The following FYN variants were observed in gnomAD, a reference collection of about 807,000 sequenced individuals.
FYN encodes tyrosine-protein kinase Fyn.
FYN carries 10 observed loss-of-function variants against 70.2 expected under a neutral mutation model. That is an observed-to-expected ratio of 0.14 (90% CI 0.09 to 0.24). FYN has a LOEUF of 0.24. Among genes scored for constraint, FYN ranks in the 10% least tolerant of loss-of-function variants. The pLI is 1.00. For missense variants in FYN, 319 were observed against 673.1 expected (o/e 0.47, Z 5.82); for synonymous variants, 236 against 248.6 (o/e 0.95, Z 0.48).
At chr6:111,772,282 G>A (rs1803481907) in intron 3 of FYN, among the ~76,000 whole-genome samples, 1 of 152,000 alleles carries the variant, frequency 6.6e-6, no homozygotes, top group Non-Finnish European at 1.5e-5. Context: ...TGAAGGCCCA[G>A]GTCATACACT....
chr6:111,800,475 T>C (rs1449184686), intron 2 of FYN, among the ~76,000 whole-genome samples: 1 of 151,886 alleles, frequency 6.6e-6, no homozygotes, highest in Non-Finnish European at 1.5e-5. Flanking sequence ...GGATATTGAA[T>C]ATGAGGAAGG....
intron 3 of FYN, among the ~76,000 whole-genome samples, chr6:111,748,492 T>C (rs889009238): frequency 2.0e-5 from 3 of 152,192 alleles, no homozygotes; most frequent in African/African-American, 7.2e-5. Flanking sequence ...GCATGGCGTA[T>C]CAAGAGCAAA....
In FYN at chr6:111,764,216, CAAAAA is replaced by C. The variant is rs11409465; in HGVS notation, c.-12+16345_-12+16349del. Among the ~76,000 whole-genome samples the C allele has an allele frequency of 8.6e-5, 5 of 58,386 alleles. No homozygotes were observed. The East Asian group carries it at 2.6e-3, about 30-fold the overall frequency. The allele number at this position is 58,386 out of a possible 152,430, so 38.3% of individuals were successfully genotyped here. A position where few individuals can be genotyped will look rare whatever the true frequency, so the allele number is the denominator to read the frequency against. The stretch of plus-strand genomic sequence containing the variant: ...AAATTGGTCACTGGATTTTGTCAAG[CAAAAA>C]AAAAAAAAAAAGAAAAGAAAAAAAA... On this transcript the variant is annotated intron_variant, in intron 3 of 13. Transcript: ENST00000354650.
intron 2 of FYN, among the ~76,000 whole-genome samples, chr6:111,806,609 T>A (rs1215392548): frequency 1.3e-5 from 2 of 152,200 alleles, no homozygotes; most frequent in Non-Finnish European, 2.9e-5. Flanking sequence ...GTGACCCTCA[T>A]AGGACCTTTG....
At chr6:111,734,895 TAA>T (rs1801642052) in intron 3 of FYN, among the ~76,000 whole-genome samples, 1 of 152,206 alleles carries the variant, frequency 6.6e-6, no homozygotes. Context: ...GCTGCCGGTA[TAA>T]AGTCAAGTAC....
intron 2 of FYN, among the ~76,000 whole-genome samples, chr6:111,783,896 C>G (rs548654067): frequency 6.6e-6 from 1 of 152,318 alleles, no homozygotes; most frequent in Admixed American, 6.5e-5. Context: ...CCCAAGCCAA[C>G]TGAATCAGAA....
chr6:111,845,185 C>T (rs150682763), intron 2 of FYN, among the ~76,000 whole-genome samples: 1 of 152,226 alleles, frequency 6.6e-6, no homozygotes, highest in Non-Finnish European at 1.5e-5. Context: ...GGGGCAAATG[C>T]CAGGCATTTC....
At chr6:111,872,561 C>T (rs1033317453) in intron 1 of FYN, among the ~76,000 whole-genome samples, 2 of 151,696 alleles carry the variant, frequency 1.3e-5, no homozygotes, top group Non-Finnish European at 2.9e-5. Context: ...GGGAGGGAAG[C>T]AGCACGGGGC....
Position 111,666,018 on chromosome 6 carries a change from T to TTC in FYN, c.1406-4072_1406-4071insGA, listed in dbSNP as rs1162492364. On this transcript the variant is annotated intron_variant, in intron 13 of 13. Transcript: ENST00000354650. ...TCCTTTTTTTTTTTTTTTTTTTTTT[T>TTC]TGAGACAGAGTCTCGCTCTGTTGCC... Among the ~76,000 whole-genome samples the TTC allele has an allele frequency of 2.2e-4, 32 of 143,378 alleles. No homozygotes were observed. In the South Asian group the frequency reaches 3.0e-3, roughly 13 times the overall value. 94.1% of individuals were successfully genotyped at this position (143,378 alleles called of 152,430 possible). A position where few individuals can be genotyped will look rare whatever the true frequency, so the allele number is the denominator to read the frequency against.
At chr6:111,760,924 A>G (rs568533162) in intron 3 of FYN, among the ~76,000 whole-genome samples, 10 of 152,218 alleles carry the variant, frequency 6.6e-5, no homozygotes, top group African/African-American at 2.4e-4. Context: ...CTGACCACCT[A>G]TGCTCAGGAC....
At chr6:111,700,446 C>T (rs891881393) in intron 8 of FYN, among the ~76,000 whole-genome samples, 178 bp from the exon 9 acceptor site, 3 of 151,856 alleles carry the variant, frequency 2.0e-5, no homozygotes, top group African/African-American at 4.8e-5. Context: ...CCTTAAACAG[C>T]GCTACACCAG....
intron 2 of FYN, among the ~76,000 whole-genome samples, chr6:111,834,189 T>G (rs1269519352): frequency 1.3e-5 from 2 of 152,030 alleles, no homozygotes; most frequent in Non-Finnish European, 2.9e-5. Context: ...AACATGAAAT[T>G]TAGAATACTG....
chr6:111,765,117 G>T (rs1180747346), intron 3 of FYN, among the ~76,000 whole-genome samples: 1 of 152,104 alleles, frequency 6.6e-6, no homozygotes, highest in Non-Finnish European at 1.5e-5. Context: ...AGGAACGAAT[G>T]CTTGTAACAG....
intron 3 of FYN, among the ~76,000 whole-genome samples, chr6:111,759,489 C>A (rs1045407297): frequency 3.3e-5 from 5 of 152,200 alleles, no homozygotes; most frequent in Non-Finnish European, 7.3e-5. Flanking sequence ...GTGGTGCTAA[C>A]CGAACGGAGG....
chr6:111,850,477 T>C (rs1489037895), intron 1 of FYN, among the ~76,000 whole-genome samples: 1 of 152,156 alleles, frequency 6.6e-6, no homozygotes, highest in Admixed American at 6.5e-5. Flanking sequence ...GAACCGTACG[T>C]GGAGTGATGT....
At chr6:111,831,983 G>A (rs148246702) in intron 2 of FYN, among the ~76,000 whole-genome samples, 27 of 152,232 alleles carry the variant, frequency 1.8e-4, no homozygotes, top group South Asian at 4.1e-4. Flanking sequence ...GCCCCCATCC[G>A]TCACTCAGGA....
chr6:111,741,819 CCT>C (rs1004805779), intron 3 of FYN, among the ~76,000 whole-genome samples: 1 of 152,192 alleles, frequency 6.6e-6, no homozygotes, highest in Admixed American at 6.5e-5. Context: ...TGGGCCTCCC[CCT>C]GAGAATTTCT....
At chr6:111,807,805 C>G (rs1014354070) in intron 2 of FYN, among the ~76,000 whole-genome samples, 1 of 152,064 alleles carries the variant, frequency 6.6e-6, no homozygotes, top group Non-Finnish European at 1.5e-5. Context: ...TATAGAACAC[C>G]CTGCTATTAA....
intron 3 of FYN, among the ~76,000 whole-genome samples, chr6:111,743,290 A>C (rs992933092): frequency 6.6e-6 from 1 of 152,074 alleles, no homozygotes; most frequent in Admixed American, 6.6e-5. Flanking sequence ...CGTAGTTTTG[A>C]TCAGAATTCC....
Sources: allele counts gnomAD v4.1 joint callset (sites outside exome capture counted in the v4.1 genomes callset), GRCh38; gene constraint gnomAD v4.1.1; transcripts MANE v1.5; gene names NCBI Gene and HGNC (gene_info 2026-07-23, HGNC 2026-07-21).